The following DTWD2 variants were observed in gnomAD, a reference collection of about 807,000 sequenced individuals.
DTWD2 encodes the protein DTW motif tRNA-uridine aminocarboxypropyltransferase 2.
A neutral mutation model predicts 31.8 loss-of-function variants in DTWD2; 39 were observed. The observed-to-expected ratio is 1.22, with a 90% confidence interval of 0.95 to 1.60. The LOEUF is 1.60. Ranked by LOEUF, DTWD2 falls within the 40% of genes most tolerant of loss-of-function variation. The pLI, the probability that DTWD2 is intolerant of heterozygous loss-of-function variation, is 0.00. For missense variants in DTWD2, 515 were observed against 381.5 expected, an observed-to-expected ratio of 1.35 and a Z score of -2.92; for synonymous variants, 180 against 142.8, an observed-to-expected ratio of 1.26 and a Z score of -1.86.
chr5:118,987,538 T>C (rs992117728), intron 1 of DTWD2, among the ~76,000 whole-genome samples: 1 of 152,244 alleles, frequency 6.6e-6, no homozygotes, highest in Non-Finnish European at 1.5e-5. Flanking sequence ...TGAGCTATTT[T>C]CTACAGTAGC....
chr5:118,848,577 C>T (rs776999667), intron 4 of DTWD2, among the ~76,000 whole-genome samples: 2 of 152,142 alleles, frequency 1.3e-5, no homozygotes, highest in African/African-American at 2.4e-5. Flanking sequence ...TAACATTTCA[C>T]ACTCAACAGA....
At chr5:118,987,540 T>C (rs1423829947) in intron 1 of DTWD2, among the ~76,000 whole-genome samples, 2 of 152,250 alleles carry the variant, frequency 1.3e-5, no homozygotes, top group African/African-American at 2.4e-5. Context: ...AGCTATTTTC[T>C]ACAGTAGCAA....
intron 4 of DTWD2, among the ~76,000 whole-genome samples, chr5:118,884,739 G>A (rs1303512962): frequency 6.6e-6 from 1 of 152,110 alleles, no homozygotes; most frequent in Non-Finnish European, 1.5e-5. Flanking sequence ...GGGCGTGGTG[G>A]CTCATGCCTG....
intron 5 of DTWD2, among the ~76,000 whole-genome samples, chr5:118,842,044 G>A (rs182532855): frequency 6.6e-6 from 1 of 152,164 alleles, no homozygotes; most frequent in East Asian, 1.9e-4. Flanking sequence ...CTTACATGCG[G>A]CCAAATATCA....
intron 4 of DTWD2, among the ~76,000 whole-genome samples, chr5:118,923,200 G>C (rs912066745): frequency 2.0e-5 from 3 of 151,828 alleles, no homozygotes; most frequent in Non-Finnish European, 4.4e-5. Context: ...AGCAGGGCAG[G>C]AGAGAGCTCT....
In DTWD2 at chr5:118,840,841, G is replaced by C. The variant is rs1275889767; in HGVS notation, c.*76C>G. 2.0e-6 allele frequency: 3 copies of C among 1,490,192 alleles called. No homozygotes were observed. The highest frequency in any genetic ancestry group is 1.4e-5 in the African/African-American group (1 of 70,890). The allele number at this position is 1,490,192 out of a possible 1,614,324, so 92.3% of individuals were successfully genotyped here. On this transcript the variant is annotated 3_prime_UTR_variant, in exon 6 of 6. Coordinates refer to ENST00000510708, the MANE Select transcript of DTWD2 (RefSeq NM_173666.4). ...TTCTTTAGCAAGTCAAAAACCTACA[G>C]ACCTTAACTATATGAAAACTTAATT...
At chr5:118,977,016 T>C (rs1263339157) in intron 1 of DTWD2, among the ~76,000 whole-genome samples, 1 of 152,226 alleles carries the variant, frequency 6.6e-6, no homozygotes, top group Non-Finnish European at 1.5e-5. Flanking sequence ...ATACCTGGGA[T>C]GCAAGGCTGG....
chr5:118,973,761 T>G (rs1389516463), intron 1 of DTWD2: 1 of 1,609,818 alleles, frequency 6.2e-7, no homozygotes, highest in Admixed American at 1.7e-5. Context: ...GCTTTCTTTT[T>G]AATCGCCTGC....
intron 3 of DTWD2, among the ~76,000 whole-genome samples, chr5:118,936,020 T>C (rs1255814068): frequency 6.6e-6 from 1 of 152,148 alleles, no homozygotes; most frequent in Non-Finnish European, 1.5e-5. Context: ...ATAAAATTTT[T>C]AAACCTAAAA....
intron 3 of DTWD2, among the ~76,000 whole-genome samples, chr5:118,935,861 G>A (rs566291541): frequency 6.6e-6 from 1 of 152,252 alleles, no homozygotes; most frequent in African/African-American, 2.4e-5. Context: ...TCAAAATACA[G>A]AAGATTTGAA....
chr5:118,979,606 C>T, intron 1 of DTWD2, among the ~76,000 whole-genome samples: 1 of 152,166 alleles, frequency 6.6e-6, no homozygotes, highest in Non-Finnish European at 1.5e-5. Context: ...GGAATCAATC[C>T]ACATGCCCAT....
intron 4 of DTWD2, among the ~76,000 whole-genome samples, chr5:118,915,929 C>T (rs889827765): frequency 6.6e-6 from 1 of 152,056 alleles, no homozygotes; most frequent in African/African-American, 2.4e-5. Context: ...GGAACTACTC[C>T]ACAACAGTAA....
intron 4 of DTWD2, among the ~76,000 whole-genome samples, chr5:118,875,757 A>G (rs1466366191): frequency 6.6e-6 from 1 of 152,140 alleles, no homozygotes; most frequent in Non-Finnish European, 1.5e-5. Flanking sequence ...CTTCCACACA[A>G]TAATAGTGGA....
chr5:118,897,486 C>G (rs1422357700), intron 4 of DTWD2, among the ~76,000 whole-genome samples: 2 of 152,214 alleles, frequency 1.3e-5, no homozygotes, highest in African/African-American at 4.8e-5. Context: ...GTGAGCCACT[C>G]CTATCACTTA....
At chr5:118,984,460 CAA>C (rs955298520) in intron 1 of DTWD2, among the ~76,000 whole-genome samples, 18 of 74,530 alleles carry the variant, frequency 2.4e-4, no homozygotes, top group Non-Finnish European at 2.3e-4. Flanking sequence ...GACTCCGTTT[CAA>C]AAAAAAAAAA....
At chr5:118,933,491 G>T (rs1225535147) in intron 3 of DTWD2, among the ~76,000 whole-genome samples, 1 of 152,084 alleles carries the variant, frequency 6.6e-6, no homozygotes, top group Non-Finnish European at 1.5e-5. Flanking sequence ...TGGAAGGTTG[G>T]TTTAACATTC....
intron 5 of DTWD2, 65 bp downstream of exon 5, chr5:118,848,025 A>G: frequency 7.1e-7 from 1 of 1,413,782 alleles, no homozygotes; most frequent in Non-Finnish European, 9.3e-7. Flanking sequence ...AAGCATGTCT[A>G]AATCTTCTAG....
Position 118,929,908 on chromosome 5 carries a change from G to A in DTWD2, c.405-1179C>T, listed in dbSNP as rs549896701. On this transcript the variant is annotated intron_variant, in intron 3 of 5. Transcript: ENST00000510708. ...TCTATTCTCTATGAAGGCTGCTATC[G>A]GTGCGGTTTCATCTGCATAACAAGA... 6.6e-5 allele frequency among the ~76,000 whole-genome samples: 10 copies of A among 152,226 alleles called. No individual in the cohort carries two copies. The East Asian group carries it at 7.7e-4, about 12-fold the overall frequency.
chr5:118,852,837 A>G (rs553720648), intron 4 of DTWD2, among the ~76,000 whole-genome samples: 64 of 152,308 alleles, frequency 4.2e-4, no homozygotes, highest in African/African-American at 1.5e-3. Flanking sequence ...TGATGGATTG[A>G]ATAAAGAAAA....
Sources: gnomAD v4.1 joint callset for allele counts (sites outside exome capture counted in the v4.1 genomes callset) on GRCh38, gnomAD v4.1.1 for gene constraint, MANE v1.5 for transcripts, NCBI Gene and HGNC (gene_info 2026-07-23, HGNC 2026-07-21) for gene names.